EFR3B: variants seen among roughly 807,000 people sequenced by gnomAD.
EFR3B encodes the protein protein EFR3 homolog B.
EFR3B carries 64 observed loss-of-function variants against 104.7 expected under a neutral mutation model. That is an observed-to-expected ratio of 0.61 (90% CI 0.50 to 0.75). The LOEUF (loss-of-function observed/expected upper bound fraction) is 0.75, where lower values mean the gene tolerates loss of function less well. Ranked by LOEUF, EFR3B falls within the 30% of genes least tolerant of loss-of-function variation. The pLI, the probability that EFR3B is intolerant of heterozygous loss-of-function variation, is 0.00. For synonymous variants in EFR3B, 385 were observed against 417.9 expected (o/e 0.92, Z 0.96); for missense variants, 750 against 1,078.5 (o/e 0.70, Z 4.27).
intron 1 of EFR3B, among the ~76,000 whole-genome samples, chr2:25,087,277 G>A (rs920359005): frequency 6.6e-6 from 1 of 151,912 alleles, no homozygotes. Context: ...GATTCAAGAT[G>A]AGATTTGGGT....
chr2:25,080,636 C>T (rs1326974424), intron 1 of EFR3B: 3 of 597,496 alleles, frequency 5.0e-6, no homozygotes, highest in Non-Finnish European at 8.9e-6. Flanking sequence ...GCCAAACCAG[C>T]ACCATTTACT....
In EFR3B at chr2:25,131,809, T is replaced by TACGCGCTG; in HGVS notation, c.1048_1055dup (p.Gly353ArgfsTer2). The TACGCGCTG allele has an allele frequency of 1.9e-6, 3 of 1,549,374 alleles. No individual in the cohort carries two copies. The highest frequency in any genetic ancestry group is 2.6e-6 in the Non-Finnish European group (3 of 1,146,316). On this transcript the variant is annotated frameshift_variant, in exon 10 of 23. Coordinates refer to ENST00000403714, the MANE Select transcript of EFR3B (RefSeq NM_014971.2). LOFTEE classifies it high-confidence loss of function. This position sits in a 1 kb window ranked among gnomAD's most constrained non-coding sequence, Gnocchi z 7.6. ...GAGGCAGCTGCGGCTCAGCATCGAC[T>TACGCGCTG]ACGCGCTGACCGGGAGCTACGACGG...
At chr2:25,066,550 T>C (rs1268718389) in intron 1 of EFR3B, among the ~76,000 whole-genome samples, 1 of 152,182 alleles carries the variant, frequency 6.6e-6, no homozygotes, top group Non-Finnish European at 1.5e-5. Context: ...TTTGTCCACA[T>C]GTTACTGATA....
At chr2:25,104,777 T>C (rs1205139271) in intron 4 of EFR3B, among the ~76,000 whole-genome samples, 1 of 152,242 alleles carries the variant, frequency 6.6e-6, no homozygotes, top group Non-Finnish European at 1.5e-5. Flanking sequence ...AGGTTACCTT[T>C]TATGGGCCTC....
rs535777784 is a variant in EFR3B at position 25,139,922 on chromosome 2, A to G, written c.1854+732A>G. On this transcript the variant is annotated intron_variant, in intron 16 of 22. Transcript: ENST00000403714. The stretch of plus-strand genomic sequence containing the variant: ...CTTGGTGTTATCTGACACCCATTCT[A>G]TAGTCAAATGTGTTCTCAGTTGTTG... 5.9e-5 allele frequency among the ~76,000 whole-genome samples: 9 copies of G among 152,280 alleles called. 1 individual carries two copies. The highest frequency in any genetic ancestry group is 1.7e-4 in the African/African-American group (7 of 41,564).
intron 4 of EFR3B, among the ~76,000 whole-genome samples, chr2:25,116,413 C>T (rs1010308984): frequency 6.6e-6 from 1 of 152,060 alleles, no homozygotes; most frequent in Non-Finnish European, 1.5e-5. Context: ...TGCTTGAGAC[C>T]AGGAGTTTGA....
chr2:25,075,966 C>T (rs956703520), intron 1 of EFR3B, among the ~76,000 whole-genome samples: 17 of 152,174 alleles, frequency 1.1e-4, no homozygotes, highest in African/African-American at 3.6e-4. Flanking sequence ...GATCACTGCT[C>T]ACTGTAGCCT....
chr2:25,045,510 G>GCA (rs1667689523), intron 1 of EFR3B, among the ~76,000 whole-genome samples: 1 of 152,254 alleles, frequency 6.6e-6, no homozygotes, highest in Non-Finnish European at 1.5e-5. Flanking sequence ...GGCTGGGCGT[G>GCA]GTGGCTCACG....
In EFR3B at chr2:25,042,756, G is replaced by A. The variant is rs1213694367; in HGVS notation, c.7+437G>A. 2 of 958,586 alleles carry A rather than the reference G, an allele frequency of 2.1e-6. No individual in the cohort carries two copies. The highest frequency in any genetic ancestry group is 4.8e-5 in the South Asian group (1 of 20,740). 59.4% of individuals were successfully genotyped at this position (958,586 alleles called of 1,614,324 possible). On this transcript the variant is annotated intron_variant, in intron 1 of 22. Coordinates refer to ENST00000403714, the MANE Select transcript of EFR3B (RefSeq NM_014971.2). This position sits in a 1 kb window ranked among gnomAD's most constrained non-coding sequence, Gnocchi z 5.4. ...CGTCTGCGCGGCTCGGAGAAGGCGG[G>A]AGGCGGCGCCGGCGGCGCAGAGGCC...
At chr2:25,115,719 G>A (rs148857281) in intron 4 of EFR3B, among the ~76,000 whole-genome samples, 1 of 152,342 alleles carries the variant, frequency 6.6e-6, no homozygotes, top group East Asian at 1.9e-4. Context: ...GATAAGCAGA[G>A]GGAGATTTGA....
At position 25,137,326 on chromosome 2, in the gene EFR3B, C is replaced by G. The variant is rs779535477; in HGVS notation, c.1561-15C>G. On this transcript the variant is annotated splice_polypyrimidine_tract_variant and intron_variant, in intron 14 of 22. Transcript: ENST00000403714. The surrounding 1 kb of genome is among the most constrained non-coding windows in gnomAD (Gnocchi z 4.7). ...ATCCCTCCGACCCTGGCCTTCTGCC[C>G]GCTCCTGTCCCCAGCACTCCCAGCA... 4 of 1,552,012 alleles carry G rather than the reference C, an allele frequency of 2.6e-6. No homozygotes were observed. The highest frequency in any genetic ancestry group is 3.5e-6 in the Non-Finnish European group (4 of 1,147,038).
At chr2:25,053,893 C>T (rs908130770) in intron 1 of EFR3B, among the ~76,000 whole-genome samples, 1 of 152,132 alleles carries the variant, frequency 6.6e-6, no homozygotes, top group Non-Finnish European at 1.5e-5. Flanking sequence ...GGCGACAGAG[C>T]GAGACTCCGT....
At chr2:25,052,157 T>C (rs35998476) in intron 1 of EFR3B, among the ~76,000 whole-genome samples, 11,301 of 151,324 alleles carry the variant, frequency 0.075, 567 homozygotes, top group Non-Finnish European at 0.12. Flanking sequence ...GATCACACCA[T>C]TGGGCTCCAG....
chr2:25,045,142 CT>C (rs1667681245), intron 1 of EFR3B, among the ~76,000 whole-genome samples: 1 of 152,302 alleles, frequency 6.6e-6, no homozygotes, highest in African/African-American at 2.4e-5. Context: ...GACCTGTTCC[CT>C]CCTTTCCTCT....
chr2:25,132,828 G>A, intron 10 of EFR3B, 75 bp from the exon 11 acceptor site: 2 of 1,264,842 alleles, frequency 1.6e-6, no homozygotes, highest in Non-Finnish European at 2.2e-6. Context: ...CTCGCTCTCT[G>A]CAGCTGAAAG....
chr2:25,060,789 C>T (rs1044833585), intron 1 of EFR3B, among the ~76,000 whole-genome samples: 18 of 151,830 alleles, frequency 1.2e-4, no homozygotes, highest in Admixed American at 5.3e-4. Context: ...GGCATGGTGG[C>T]GGGTGCCTGT....
In EFR3B at chr2:25,158,560, G is replaced by A. The variant is rs917689190; in HGVS notation, c.*4220G>A. ...ATAGTCATGATGGGCCCATCCTAGAGCCTGGCTAGCTGGAAGACGCGGTAT... is the reference window on the plus strand; with the variant it reads ...ATAGTCATGATGGGCCCATCCTAGAACCTGGCTAGCTGGAAGACGCGGTAT... On this transcript the variant is annotated 3_prime_UTR_variant, in exon 23 of 23. Coordinates refer to ENST00000403714, the MANE Select transcript of EFR3B (RefSeq NM_014971.2). 3 of 152,702 alleles carry A rather than the reference G, an allele frequency of 2.0e-5. No individual in the cohort carries two copies. Among genetic ancestry groups the A allele is most frequent in the Admixed American group, 6.5e-5 (1 of 15,286 alleles). The allele number at this position is 152,702 out of a possible 1,614,324, so 9.5% of individuals were successfully genotyped here. A position where few individuals can be genotyped will look rare whatever the true frequency, so the allele number is the denominator to read the frequency against.
At chr2:25,085,031 G>A (rs746033329) in intron 1 of EFR3B, among the ~76,000 whole-genome samples, 7 of 152,172 alleles carry the variant, frequency 4.6e-5, no homozygotes, top group Non-Finnish European at 7.3e-5. Flanking sequence ...GTATTTTAGA[G>A]CTGTGCCTGG....
intron 1 of EFR3B, among the ~76,000 whole-genome samples, chr2:25,089,649 C>T (rs1352335283): frequency 6.6e-6 from 1 of 152,110 alleles, no homozygotes; most frequent in African/African-American, 2.4e-5. Flanking sequence ...GGACTGGGCC[C>T]CTGGGAGCTG....
Sources: allele counts gnomAD v4.1 joint callset (sites outside exome capture counted in the v4.1 genomes callset), GRCh38; gene constraint gnomAD v4.1.1; non-coding constraint Gnocchi (gnomAD v3.1); transcripts MANE v1.5; gene names NCBI Gene and HGNC (gene_info 2026-07-23, HGNC 2026-07-21).